Variants in ADAMTS13 observed in about 807,000 individuals in gnomAD.
The protein encoded by ADAMTS13 is A disintegrin and metalloproteinase with thrombospondin motifs 13.
A neutral mutation model predicts 155.1 loss-of-function variants in ADAMTS13; 110 were observed. That is an observed-to-expected ratio of 0.71 (90% CI 0.61 to 0.83). ADAMTS13 has a LOEUF of 0.83. Among genes scored for constraint, ADAMTS13 ranks in the 40% least tolerant of loss-of-function variants. The pLI is 0.00. For missense variants in ADAMTS13, 1,707 were observed against 1,891.7 expected (o/e 0.90, Z 1.81); for synonymous variants, 758 against 756.4 (o/e 1.00, Z -0.03).
chr9:133,438,069 G>C (rs141095935), intron 13 of ADAMTS13, among the ~76,000 whole-genome samples, 172 bp downstream of exon 13: 6 of 152,216 alleles, frequency 3.9e-5, no homozygotes, highest in Non-Finnish European at 4.4e-5. Flanking sequence ...AAGGGCTGCA[G>C]TGTGACCTTG....
upstream of ADAMTS13, chr9:133,417,762 C>A (rs782267475): frequency 3.1e-6 from 5 of 1,612,820 alleles, no homozygotes; most frequent in South Asian, 5.5e-5. Context: ...GTTTTTCTTC[C>A]GAGTGAGCGT....
In ADAMTS13 at chr9:133,439,381, T is replaced by G. The variant is rs1841492385; in HGVS notation, c.1721T>G (p.Leu574Arg). 6.2e-7 allele frequency: 1 copy of G among 1,613,382 alleles called. No homozygotes were observed. The highest frequency in any genetic ancestry group is 1.7e-5 in the Admixed American group (1 of 60,006). Residue 574 changes from leucine to arginine, a missense_variant, in exon 15 of 29, where the codon CTG (leucine) becomes CGG (arginine). This residue lies in a region of ADAMTS13 where 961 missense variants were observed against 1,107.9 expected (regional missense o/e 0.87). Coordinates refer to ENST00000355699, the MANE Select transcript of ADAMTS13 (RefSeq NM_139027.6). ...AGRAREYVTF[L>R]TVTPNLTSVY... Reference sequence around the variant, plus strand: ...TTCTTTCTAGAATATGTCACGTTTCTGACAGTTACCCCCAACCTGACCAGT... The same window carrying G: ...TTCTTTCTAGAATATGTCACGTTTCGGACAGTTACCCCCAACCTGACCAGT...
chr9:133,454,726 AAAGG>A (rs1321377614), intron 24 of ADAMTS13, 107 bp downstream of exon 24: 3 of 1,376,886 alleles, frequency 2.2e-6, no homozygotes, highest in African/African-American at 1.4e-5. Flanking sequence ...GTGTCCCCTG[AAAGG>A]AAGGAGAGAG....
At chr9:133,419,675 G>T (rs1839867351), upstream of ADAMTS13, among the ~76,000 whole-genome samples, 1 of 152,160 alleles carries the variant, frequency 6.6e-6, no homozygotes, top group African/African-American at 2.4e-5. Flanking sequence ...GAAGGACGAG[G>T]ACAGAGAGAT....
chr9:133,456,826 A>T lies in ADAMTS13; in HGVS notation c.3724+107A>T. The stretch of plus-strand genomic sequence containing the variant: ...AGTCCCAGTGGGGCAGTGGGAAGAT[A>T]CGGAGGGAACTGACTGAGATGGAAG... On this transcript the variant is annotated intron_variant, in intron 27 of 28. Coordinates refer to ENST00000355699, the MANE Select transcript of ADAMTS13 (RefSeq NM_139027.6). This position sits in a 1 kb window ranked among gnomAD's most constrained non-coding sequence, Gnocchi z 4.4. 2 of 1,375,360 alleles carry T rather than the reference A, an allele frequency of 1.5e-6. No homozygotes were observed. Among genetic ancestry groups the T allele is most frequent in the Non-Finnish European group, 2.0e-6 (2 of 995,938 alleles). The allele number at this position is 1,375,360 out of a possible 1,614,324, so 85.2% of individuals were successfully genotyped here.
chr9:133,458,151 G>A (rs1842854281), intron 28 of ADAMTS13, 57 bp downstream of exon 28: 7 of 1,587,064 alleles, frequency 4.4e-6, no homozygotes, highest in Non-Finnish European at 2.6e-6. Flanking sequence ...CCTAGGGCGT[G>A]CAGGGCTAGG....
At chr9:133,414,879 G>C (rs1564397718) in intron 1 of ADAMTS13, 1 of 1,614,066 alleles carries the variant, frequency 6.2e-7, no homozygotes, top group Admixed American at 1.7e-5. Context: ...TTTCCTGCCG[G>C]CATCTCCTCT....
At position 133,437,549 on chromosome 9, in the gene ADAMTS13, C is replaced by T. The variant is rs587650172; in HGVS notation, c.1436-200C>T. Among the ~76,000 whole-genome samples, 4 of 152,302 alleles carry T rather than the reference C, an allele frequency of 2.6e-5. No homozygotes were observed. The South Asian group carries it at 8.3e-4, about 32-fold the overall frequency. ...CTGGGATTACAGGCATGAACCATTG[C>T]GCCCAGCCTTGGTTCCTAATTCAAT... On this transcript the variant is annotated intron_variant, in intron 12 of 28. Coordinates refer to ENST00000355699, the MANE Select transcript of ADAMTS13 (RefSeq NM_139027.6).
Position 133,440,662 on chromosome 9 carries a change from T to G in ADAMTS13, c.1968+137T>G. 1 of 1,082,614 alleles carries G rather than the reference T, an allele frequency of 9.2e-7. No individual in the cohort carries two copies. Among genetic ancestry groups the G allele is most frequent in the Non-Finnish European group, 1.3e-6 (1 of 774,320 alleles). The allele number at this position is 1,082,614 out of a possible 1,614,324, so 67.1% of individuals were successfully genotyped here. A position where few individuals can be genotyped will look rare whatever the true frequency, so the allele number is the denominator to read the frequency against. The stretch of plus-strand genomic sequence containing the variant: ...GGTCACTTACAGGGGACCCACTATG[T>G]GTTGGGCCCTGTGCTAGGCAAAATG... On this transcript the variant is annotated intron_variant, in intron 16 of 28. Transcript: ENST00000355699. The surrounding 1 kb of genome is among the most constrained non-coding windows in gnomAD (Gnocchi z 4.3).
Position 133,425,873 on chromosome 9 carries a change from C to G in ADAMTS13, c.415-65C>G. On this transcript the variant is annotated intron_variant, in intron 4 of 28. Transcript: ENST00000355699. This position sits in a 1 kb window ranked among gnomAD's most constrained non-coding sequence, Gnocchi z 4.6. The stretch of plus-strand genomic sequence containing the variant: ...TAGGAGGACTAACTGGGAAACAAAC[C>G]GACCGCAGTCAGCACCGTGCCTGGT... 3.1e-6 allele frequency: 5 copies of G among 1,604,056 alleles called. No individual in the cohort carries two copies. Among genetic ancestry groups the G allele is most frequent in the Non-Finnish European group, 4.2e-6 (5 of 1,177,746 alleles).
In ADAMTS13 at chr9:133,446,611, A is replaced by G. The variant is rs782176497; in HGVS notation, c.2731+792A>G. Among the ~76,000 whole-genome samples the G allele has an allele frequency of 7.1e-4, 108 of 152,272 alleles. 1 individual carries two copies. The highest frequency in any genetic ancestry group is 4.1e-3 in the Admixed American group (62 of 15,294). On this transcript the variant is annotated intron_variant, in intron 21 of 28. Coordinates refer to ENST00000355699, the MANE Select transcript of ADAMTS13 (RefSeq NM_139027.6). ...CTTGGCTTCCTTCCACACTTTGGCT[A>G]TTGTGAATAATGCTTCTGTGAACAT...
At chr9:133,454,197 C>A (rs943026102) in intron 23 of ADAMTS13, among the ~76,000 whole-genome samples, 14 of 152,144 alleles carry the variant, frequency 9.2e-5, no homozygotes, top group Non-Finnish European at 8.8e-5. Flanking sequence ...ATTAGGGAAA[C>A]AGGGGCCTCT....
chr9:133,423,587 A>G (rs1554784173), intron 2 of ADAMTS13, among the ~76,000 whole-genome samples: 1 of 151,938 alleles, frequency 6.6e-6, no homozygotes, highest in Non-Finnish European at 1.5e-5. Context: ...GCCTGTCCCC[A>G]TTGCCCACAG....
At chr9:133,443,687 T>C (rs1326358666) in intron 19 of ADAMTS13, 126 bp downstream of exon 19, 47 of 1,051,706 alleles carry the variant, frequency 4.5e-5, no homozygotes, top group Non-Finnish European at 5.7e-5. Context: ...CCATCCAGGG[T>C]GATGGGCAGT....
intron 16 of ADAMTS13, 80 bp from the exon 17 acceptor site, chr9:133,442,319 G>C: frequency 6.2e-7 from 1 of 1,605,146 alleles, no homozygotes; most frequent in South Asian, 1.1e-5. Flanking sequence ...GAAGAAGTTG[G>C]AAGGCTTCCC....
chr9:133,456,259 T>C lies in ADAMTS13; in HGVS notation c.3547+44T>C. 6.2e-7 allele frequency: 1 copy of C among 1,612,688 alleles called. No individual in the cohort carries two copies. Among genetic ancestry groups the C allele is most frequent in the Non-Finnish European group, 8.5e-7 (1 of 1,179,924 alleles). ...AAGCGATGCTGCCAGTTATGGGCCCTGCCAGGAGCCAGCACGACGCTGCAT... is the reference window on the plus strand; with the variant it reads ...AAGCGATGCTGCCAGTTATGGGCCCCGCCAGGAGCCAGCACGACGCTGCAT... On this transcript the variant is annotated intron_variant, in intron 26 of 28. Coordinates refer to ENST00000355699, the MANE Select transcript of ADAMTS13 (RefSeq NM_139027.6). This position sits in a 1 kb window ranked among gnomAD's most constrained non-coding sequence, Gnocchi z 4.4.
At chr9:133,416,805 G>A (rs3124780) in intron 1 of ADAMTS13, among the ~76,000 whole-genome samples, 61,149 of 151,846 alleles carry the variant, frequency 0.4, 12,475 homozygotes, top group South Asian at 0.46. Context: ...AGCGATGATG[G>A]AAGTGTCCAC....
chr9:133,445,646 G>T lies in ADAMTS13; in HGVS notation c.2611-53G>T. 1 of 1,611,672 alleles carries T rather than the reference G, an allele frequency of 6.2e-7. No homozygotes were observed. The highest frequency in any genetic ancestry group is 1.3e-5 in the African/African-American group (1 of 75,022). ...GCCTGAGAAGATCGAGACGGGGATCGCTGGGTCCTCAGAGGAGGCCCAGAC... is the reference window on the plus strand; with the variant it reads ...GCCTGAGAAGATCGAGACGGGGATCTCTGGGTCCTCAGAGGAGGCCCAGAC... On this transcript the variant is annotated intron_variant, in intron 20 of 28. Coordinates refer to ENST00000355699, the MANE Select transcript of ADAMTS13 (RefSeq NM_139027.6). This position sits in a 1 kb window ranked among gnomAD's most constrained non-coding sequence, Gnocchi z 5.0.
chr9:133,456,845 A>G lies in ADAMTS13; in HGVS notation c.3724+126A>G, dbSNP rs1842778421. 1.6e-6 allele frequency: 2 copies of G among 1,276,716 alleles called. No homozygotes were observed. The highest frequency in any genetic ancestry group is 2.2e-6 in the Non-Finnish European group (2 of 908,966). The allele number at this position is 1,276,716 out of a possible 1,614,324, so 79.1% of individuals were successfully genotyped here. A position where few individuals can be genotyped will look rare whatever the true frequency, so the allele number is the denominator to read the frequency against. The stretch of plus-strand genomic sequence containing the variant: ...GAAGATACGGAGGGAACTGACTGAG[A>G]TGGAAGGAACTGGGGTTGGCCAGTG... On this transcript the variant is annotated intron_variant, in intron 27 of 28. Coordinates refer to ENST00000355699, the MANE Select transcript of ADAMTS13 (RefSeq NM_139027.6). The surrounding 1 kb of genome is among the most constrained non-coding windows in gnomAD (Gnocchi z 4.4).
Sources: gnomAD v4.1 joint callset for allele counts (sites outside exome capture counted in the v4.1 genomes callset) on GRCh38, gnomAD v4.1.1 for gene constraint, gnomAD v4.1.1 regional missense constraint, Gnocchi (gnomAD v3.1) non-coding constraint, MANE v1.5 for transcripts, NCBI Gene and HGNC (gene_info 2026-07-23, HGNC 2026-07-21) for gene names.